The following THSD7A variants were observed in gnomAD, a reference collection of about 807,000 sequenced individuals.
The protein encoded by THSD7A is thrombospondin type-1 domain-containing protein 7A.
In THSD7A, 96 loss-of-function variants were observed where a neutral mutation model predicts 231.3. The observed-to-expected ratio is 0.41, with a 90% CI of 0.35 to 0.49. THSD7A has a LOEUF of 0.49. Ranked by LOEUF, THSD7A falls within the 20% of genes least tolerant of loss-of-function variation. THSD7A has a pLI of 0.05. For synonymous variants in THSD7A, 940 were observed against 743.3 expected, an observed-to-expected ratio of 1.26 and a Z score of -4.30; for missense variants, 2,290 against 2,070.2, an observed-to-expected ratio of 1.11 and a Z score of -2.06.
At chr7:11,527,388 A>AAT (rs1013718125) in intron 6 of THSD7A, among the ~76,000 whole-genome samples, 43 of 151,224 alleles carry the variant, frequency 2.8e-4, no homozygotes, top group South Asian at 8.3e-4. Flanking sequence ...AATTGGCCAA[A>AAT]ATATATATAT....
intron 2 of THSD7A, among the ~76,000 whole-genome samples, chr7:11,611,525 T>C (rs1394598842): frequency 6.6e-6 from 1 of 151,910 alleles, no homozygotes; most frequent in Non-Finnish European, 1.5e-5. Context: ...ATGGTCAATT[T>C]TGTTAATATT....
In THSD7A at chr7:11,411,346, G is replaced by A; in HGVS notation, c.3683-24C>T. 6.6e-7 allele frequency: 1 copy of A among 1,509,574 alleles called. No individual in the cohort carries two copies. Among genetic ancestry groups the A allele is most frequent in the Non-Finnish European group, 9.2e-7 (1 of 1,090,742 alleles). The allele number at this position is 1,509,574 out of a possible 1,614,324, so 93.5% of individuals were successfully genotyped here. On this transcript the variant is annotated intron_variant, in intron 18 of 27. Transcript: ENST00000423059. This position sits in a 1 kb window ranked among gnomAD's most constrained non-coding sequence, Gnocchi z 4.1. ...GTCTGAAAAAAAGGGAAGCCCATCAGAACAGAAGGCTAAGTAAGAAACAGA... is the reference window on the plus strand; with the variant it reads ...GTCTGAAAAAAAGGGAAGCCCATCAAAACAGAAGGCTAAGTAAGAAACAGA...
At chr7:11,443,321 T>C (rs1784862265) in intron 13 of THSD7A, among the ~76,000 whole-genome samples, 1 of 152,128 alleles carries the variant, frequency 6.6e-6, no homozygotes, top group Non-Finnish European at 1.5e-5. Flanking sequence ...TGGCTAATTA[T>C]GGTTTTCTAC....
chr7:11,434,431 C>G (rs1784569045), intron 13 of THSD7A, among the ~76,000 whole-genome samples: 1 of 152,038 alleles, frequency 6.6e-6, no homozygotes, highest in Non-Finnish European at 1.5e-5. Context: ...TTGAGATACA[C>G]ACAATCACTC....
chr7:11,520,727 C>A (rs1215627324), intron 6 of THSD7A, among the ~76,000 whole-genome samples: 1 of 152,140 alleles, frequency 6.6e-6, no homozygotes, highest in Non-Finnish European at 1.5e-5. Flanking sequence ...TAAATCACTC[C>A]AGCTTTCATT....
intron 1 of THSD7A, among the ~76,000 whole-genome samples, chr7:11,762,304 G>C (rs959097810): frequency 6.6e-6 from 1 of 152,132 alleles, no homozygotes; most frequent in East Asian, 1.9e-4. Context: ...AGTTATTTGA[G>C]ACACCCCCAT....
At chr7:11,466,636 C>A (rs75063259) in intron 9 of THSD7A, among the ~76,000 whole-genome samples, 1 of 151,980 alleles carries the variant, frequency 6.6e-6, no homozygotes, top group Admixed American at 6.6e-5. Context: ...ACCTTTTGTT[C>A]TAGGAGAAAC....
chr7:11,647,296 G>A (rs892325904), intron 1 of THSD7A, among the ~76,000 whole-genome samples: 9 of 151,982 alleles, frequency 5.9e-5, no homozygotes, highest in Non-Finnish European at 1.2e-4. Flanking sequence ...GGTATGGACA[G>A]CACAAATTCC....
chr7:11,604,690 A>T (rs554933072), intron 2 of THSD7A, among the ~76,000 whole-genome samples: 21 of 152,236 alleles, frequency 1.4e-4, no homozygotes, highest in African/African-American at 5.1e-4. Flanking sequence ...CAATCTTGCG[A>T]ATGACAATGC....
chr7:11,701,758 G>A (rs1780608326), intron 1 of THSD7A, among the ~76,000 whole-genome samples: 1 of 151,130 alleles, frequency 6.6e-6, no homozygotes, highest in African/African-American at 2.4e-5. Flanking sequence ...CAAAGCCCTA[G>A]CTGACATGTT....
intron 4 of THSD7A, among the ~76,000 whole-genome samples, chr7:11,557,690 A>T (rs531488199): frequency 6.6e-6 from 1 of 152,266 alleles, no homozygotes; most frequent in South Asian, 2.1e-4. Flanking sequence ...TTTCTTATTT[A>T]ACCTCCATTG....
chr7:11,531,756 G>T (rs984690782), intron 6 of THSD7A, among the ~76,000 whole-genome samples: 1 of 152,182 alleles, frequency 6.6e-6, no homozygotes, highest in Non-Finnish European at 1.5e-5. Context: ...TTGGTACACA[G>T]TGAGGTTAAA....
chr7:11,570,387 T>C (rs908458520), intron 4 of THSD7A, among the ~76,000 whole-genome samples: 1 of 152,058 alleles, frequency 6.6e-6, no homozygotes, highest in Non-Finnish European at 1.5e-5. Flanking sequence ...GGATGGTTAA[T>C]GGGGCAAATA....
At chr7:11,458,138 G>T (rs558389532) in intron 11 of THSD7A, among the ~76,000 whole-genome samples, 4 of 152,114 alleles carry the variant, frequency 2.6e-5, no homozygotes, top group African/African-American at 9.6e-5. Flanking sequence ...AGTCTTTGTT[G>T]ATTGATTTAA....
At chr7:11,614,829 A>G (rs1781052130) in intron 2 of THSD7A, among the ~76,000 whole-genome samples, 1 of 152,238 alleles carries the variant, frequency 6.6e-6, no homozygotes, top group South Asian at 2.1e-4. Flanking sequence ...GCCAAGTTAG[A>G]GAAAAAATAA....
intron 2 of THSD7A, among the ~76,000 whole-genome samples, chr7:11,620,297 TC>T (rs1216133279): frequency 6.6e-6 from 1 of 152,218 alleles, no homozygotes; most frequent in Non-Finnish European, 1.5e-5. Context: ...TAGAAAAATT[TC>T]ACAAACACTT....
chr7:11,830,254 A>C (rs1455736066), intron 1 of THSD7A, among the ~76,000 whole-genome samples: 1 of 152,186 alleles, frequency 6.6e-6, no homozygotes, highest in East Asian at 1.9e-4. Flanking sequence ...TTCCATCTGA[A>C]TTATTGCTTG....
intron 4 of THSD7A, among the ~76,000 whole-genome samples, chr7:11,561,806 A>C (rs992022073): frequency 6.6e-6 from 1 of 152,168 alleles, no homozygotes; most frequent in African/African-American, 2.4e-5. Context: ...GAGGGAGGTC[A>C]CAGCACTGCA....
rs1373074783 is a variant in THSD7A, at chr7:11,636,857, A to G, written c.295T>C (p.Cys99Arg). Residue 99 changes from cysteine (C) to arginine (R), a missense_variant, in exon 2 of 28, where the codon TGT (cysteine) becomes CGT (arginine). Physicochemically the swap from Cys to Arg is radical, Grantham distance 180. Transcript: ENST00000423059. The surrounding 1 kb of genome is among the most constrained non-coding windows in gnomAD (Gnocchi z 10.0). ...VEGWTTLHTN[C>R]KQAERPNNQQ... ...TTATTGGGTCTCTCGGCCTGCTTAC[A>G]GTTAGTATGCAGTGTAGTCCATCCC... 6.2e-7 allele frequency: 1 copy of G among 1,613,930 alleles called. No homozygotes were observed. Among genetic ancestry groups the G allele is most frequent in the Non-Finnish European group, 8.5e-7 (1 of 1,179,866 alleles).
Sources: allele counts gnomAD v4.1 joint callset (sites outside exome capture counted in the v4.1 genomes callset), GRCh38; gene constraint gnomAD v4.1.1; non-coding constraint Gnocchi (gnomAD v3.1); transcripts MANE v1.5; gene names NCBI Gene and HGNC (gene_info 2026-07-23, HGNC 2026-07-21).